EIPR1: variants seen among roughly 807,000 people sequenced by gnomAD.
EIPR1 encodes the protein EARP and GARP complex-interacting protein 1.
A neutral mutation model predicts 48.1 loss-of-function variants in EIPR1; 25 were observed. That is an observed-to-expected ratio of 0.52 (90% confidence interval 0.38 to 0.73). The LOEUF (loss-of-function observed/expected upper bound fraction) is 0.73, where lower values mean the gene tolerates loss of function less well. Among genes scored for constraint, EIPR1 ranks in the 30% least tolerant of loss-of-function variants. EIPR1 has a pLI of 0.00. For missense variants in EIPR1, 415 were observed against 506.2 expected (o/e 0.82, Z 1.73); for synonymous variants, 204 against 201.9 (o/e 1.01, Z -0.09).
intron 3 of EIPR1, among the ~76,000 whole-genome samples, chr2:3,268,724 G>C (rs1380034551): frequency 6.6e-6 from 1 of 152,162 alleles, no homozygotes; most frequent in African/African-American, 2.4e-5. Flanking sequence ...GGGCACCTCA[G>C]ATACCCAAAC....
intron 5 of EIPR1, among the ~76,000 whole-genome samples, chr2:3,211,061 C>A (rs928292025): frequency 6.6e-6 from 1 of 152,170 alleles, no homozygotes; most frequent in African/African-American, 2.4e-5. Context: ...GTACACCAAA[C>A]CCCTGTGACA....
At chr2:3,232,384 T>A (rs951024508) in intron 4 of EIPR1, among the ~76,000 whole-genome samples, 2 of 152,214 alleles carry the variant, frequency 1.3e-5, no homozygotes, top group African/African-American at 4.8e-5. Context: ...CCCTGATGTA[T>A]AAAGTTGAGT....
intron 2 of EIPR1, among the ~76,000 whole-genome samples, chr2:3,350,544 A>C (rs537929895): frequency 6.6e-6 from 1 of 152,354 alleles, no homozygotes; most frequent in African/African-American, 2.4e-5. Flanking sequence ...TCACCATTTC[A>C]CTAAACACTG....
chr2:3,335,579 G>A (rs2324582), intron 3 of EIPR1, among the ~76,000 whole-genome samples: 73,054 of 151,926 alleles, frequency 0.48, 19,587 homozygotes, highest in East Asian at 0.81. Context: ...AAGGTGCTGA[G>A]ATGAAAAGCC....
chr2:3,204,650 C>T (rs1385603442), intron 5 of EIPR1, among the ~76,000 whole-genome samples: 3 of 152,216 alleles, frequency 2.0e-5, no homozygotes, highest in Non-Finnish European at 4.4e-5. Context: ...CACCTCCTAA[C>T]GAGCAAAATG....
At chr2:3,192,156 G>C (rs374632519) in intron 8 of EIPR1, among the ~76,000 whole-genome samples, 8 of 152,322 alleles carry the variant, frequency 5.3e-5, no homozygotes, top group African/African-American at 1.7e-4. Flanking sequence ...CTTACAGATG[G>C]CATTCAATAA....
chr2:3,250,201 C>A (rs1666961013), intron 4 of EIPR1, among the ~76,000 whole-genome samples: 1 of 152,206 alleles, frequency 6.6e-6, no homozygotes, highest in Non-Finnish European at 1.5e-5. Context: ...GCACTTGACT[C>A]CAACCCATGC....
chr2:3,249,921 C>A (rs1272901843), intron 4 of EIPR1, among the ~76,000 whole-genome samples: 1 of 152,194 alleles, frequency 6.6e-6, no homozygotes, highest in African/African-American at 2.4e-5. Flanking sequence ...ACATAGAATG[C>A]AGGAGTGAAA....
chr2:3,255,907 G>T (rs11692902), intron 4 of EIPR1, among the ~76,000 whole-genome samples: 2,000 of 152,280 alleles, frequency 0.013, 42 homozygotes, highest in African/African-American at 0.046. Context: ...TATTTGCTGG[G>T]GATGTGGCAA....
intron 4 of EIPR1, among the ~76,000 whole-genome samples, chr2:3,245,696 G>C (rs1666774618): frequency 6.6e-6 from 1 of 152,230 alleles, no homozygotes; most frequent in Non-Finnish European, 1.5e-5. Context: ...AAGCATGCCA[G>C]TGTGAGGCAC....
intron 5 of EIPR1, among the ~76,000 whole-genome samples, chr2:3,202,322 C>T (rs1665077608): frequency 1.3e-5 from 2 of 152,150 alleles, no homozygotes; most frequent in African/African-American, 4.8e-5. Context: ...AGAAAAAAGT[C>T]AAGTGAAATT....
intron 5 of EIPR1, among the ~76,000 whole-genome samples, chr2:3,213,515 TG>T (rs761855274): frequency 6.6e-6 from 1 of 152,232 alleles, no homozygotes; most frequent in Non-Finnish European, 1.5e-5. Flanking sequence ...ATTTTATAAT[TG>T]CTCCTACTTA....
intron 4 of EIPR1, among the ~76,000 whole-genome samples, chr2:3,230,320 C>T (rs907221136): frequency 2.0e-5 from 3 of 152,176 alleles, no homozygotes; most frequent in Admixed American, 2.0e-4. Context: ...CCAGCCTGCA[C>T]ACATGACATT....
intron 3 of EIPR1, among the ~76,000 whole-genome samples, chr2:3,283,034 G>C (rs62121494): frequency 0.18 from 27,333 of 152,158 alleles, 3,024 homozygotes; most frequent in Non-Finnish European, 0.25. Flanking sequence ...GCTTTATTTT[G>C]CTTATTTATT....
At chr2:3,326,305 G>T (rs780445924) in intron 3 of EIPR1, among the ~76,000 whole-genome samples, 2 of 152,130 alleles carry the variant, frequency 1.3e-5, no homozygotes, top group Non-Finnish European at 2.9e-5. Context: ...CGCTCCAGAG[G>T]TTACTTGACT....
At chr2:3,253,830 A>ACAT (rs1352155007) in intron 4 of EIPR1, among the ~76,000 whole-genome samples, 1 of 152,164 alleles carries the variant, frequency 6.6e-6, no homozygotes, top group Non-Finnish European at 1.5e-5. Flanking sequence ...GGAAATTAGG[A>ACAT]CATCAGATTG....
intron 3 of EIPR1, among the ~76,000 whole-genome samples, chr2:3,335,792 G>A (rs190010899): frequency 6.6e-6 from 1 of 152,136 alleles, no homozygotes; most frequent in Admixed American, 6.5e-5. Flanking sequence ...GCCTTGTGAA[G>A]AAGGCCCTGG....
chr2:3,356,126 G>A (rs550674869), intron 1 of EIPR1, among the ~76,000 whole-genome samples: 4 of 152,228 alleles, frequency 2.6e-5, no homozygotes, highest in Admixed American at 6.5e-5. Context: ...CTCTGGAGCC[G>A]GACGGCCCTT....
intron 4 of EIPR1, among the ~76,000 whole-genome samples, chr2:3,224,455 C>T (rs1443659480): frequency 2.0e-5 from 3 of 152,192 alleles, no homozygotes; most frequent in African/African-American, 4.8e-5. Context: ...CCCATCCAAC[C>T]AGCCCTGATT....
Sources: gnomAD v4.1 joint callset for allele counts (sites outside exome capture counted in the v4.1 genomes callset) on GRCh38, gnomAD v4.1.1 for gene constraint, MANE v1.5 for transcripts, NCBI Gene and HGNC (gene_info 2026-07-23, HGNC 2026-07-21) for gene names.